The following PCDH9 variants were observed in gnomAD, a reference collection of about 807,000 sequenced individuals.
PCDH9 encodes the protein protocadherin 9, also known as protocadherin-9.
A neutral mutation model predicts 70.6 loss-of-function variants in PCDH9; 24 were observed. That is an observed-to-expected ratio of 0.34 (90% confidence interval 0.25 to 0.48). PCDH9 has a LOEUF of 0.48. PCDH9 is among the 20% of genes least tolerant of loss of function. The pLI, the probability that PCDH9 is intolerant of heterozygous loss-of-function variation, is 0.99. For synonymous variants in PCDH9, 562 were observed against 558.5 expected (o/e 1.01, Z -0.09); for missense variants, 1,281 against 1,503.6 (o/e 0.85, Z 2.45).
At chr13:66,437,359 C>T (rs1244312405) in intron 4 of PCDH9, among the ~76,000 whole-genome samples, 5 of 132,972 alleles carry the variant, frequency 3.8e-5, no homozygotes, top group Non-Finnish European at 1.6e-5. Flanking sequence ...GAGCCGAGAT[C>T]GCTCCACCGC....
intron 4 of PCDH9, among the ~76,000 whole-genome samples, chr13:66,451,811 T>G: frequency 6.6e-6 from 1 of 152,238 alleles, no homozygotes; most frequent in East Asian, 1.9e-4. Flanking sequence ...ATTTTTAAAT[T>G]GGAGATCCTG....
intron 4 of PCDH9, among the ~76,000 whole-genome samples, chr13:66,445,679 T>C (rs1219226849): frequency 6.9e-6 from 1 of 145,100 alleles, no homozygotes; most frequent in Admixed American, 7.1e-5. Context: ...TGTATACACA[T>C]ATATAATATA....
intron 3 of PCDH9, among the ~76,000 whole-genome samples, chr13:66,812,129 T>C (rs1226471554): frequency 1.3e-5 from 2 of 152,070 alleles, no homozygotes; most frequent in African/African-American, 4.8e-5. Context: ...GCCTCTAAAA[T>C]TGCTTATGGA....
intron 2 of PCDH9, among the ~76,000 whole-genome samples, chr13:66,990,602 T>C (rs151301953): frequency 0.017 from 2,614 of 149,584 alleles, 40 homozygotes; most frequent in Non-Finnish European, 0.029. Flanking sequence ...AAAACAAATA[T>C]ATACATATAA....
At chr13:66,489,135 T>G (rs1366552826) in intron 4 of PCDH9, among the ~76,000 whole-genome samples, 1 of 152,182 alleles carries the variant, frequency 6.6e-6, no homozygotes, top group African/African-American at 2.4e-5. Context: ...AAATATAGAT[T>G]GTCTTTAACT....
chr13:66,649,064 A>G (rs1361567408), intron 3 of PCDH9, among the ~76,000 whole-genome samples: 5 of 152,164 alleles, frequency 3.3e-5, no homozygotes, highest in Non-Finnish European at 5.9e-5. Flanking sequence ...TACAAGATCT[A>G]GAAAATGGCC....
In PCDH9 at chr13:66,505,939, C is replaced by T. The variant is rs368527135; in HGVS notation, c.3340+125271G>A. On this transcript the variant is annotated intron_variant, in intron 4 of 4. Transcript: ENST00000377865. ...TGGGACTACAGGTGCACTGCCACCA[C>T]GCCCAACTCAAAGTCTATTCTACTT... Among the ~76,000 whole-genome samples, 20 of 152,254 alleles carry T rather than the reference C, an allele frequency of 1.3e-4. 1 individual carries two copies. In the South Asian group the frequency reaches 2.7e-3, roughly 20 times the overall value.
At chr13:67,068,705 C>T (rs1566402771) in intron 2 of PCDH9, among the ~76,000 whole-genome samples, 1 of 152,130 alleles carries the variant, frequency 6.6e-6, no homozygotes. Context: ...TAGCACAAAA[C>T]TTAAAGCAGA....
chr13:66,789,367 T>G (rs929935526), intron 3 of PCDH9, among the ~76,000 whole-genome samples: 1 of 152,178 alleles, frequency 6.6e-6, no homozygotes, highest in African/African-American at 2.4e-5. Flanking sequence ...GAACTTCTAT[T>G]TCAATTAGTT....
intron 3 of PCDH9, among the ~76,000 whole-genome samples, chr13:66,659,761 T>G (rs2139013031): frequency 6.6e-6 from 1 of 152,034 alleles, no homozygotes; most frequent in African/African-American, 2.4e-5. Flanking sequence ...TCAACTTAAC[T>G]CCACCCATTA....
At chr13:67,021,348 T>C (rs1328530038) in intron 2 of PCDH9, among the ~76,000 whole-genome samples, 2 of 152,172 alleles carry the variant, frequency 1.3e-5, no homozygotes, top group Non-Finnish European at 2.9e-5. Flanking sequence ...AAATACTTAA[T>C]AAATGAACGT....
chr13:67,012,688 G>T (rs1233440594), intron 2 of PCDH9, among the ~76,000 whole-genome samples: 1 of 151,886 alleles, frequency 6.6e-6, no homozygotes, highest in African/African-American at 2.4e-5. Context: ...TCCAGCTTCT[G>T]CCCCCATAAT....
chr13:66,874,205 C>T (rs868795810), intron 3 of PCDH9, among the ~76,000 whole-genome samples: 34 of 152,086 alleles, frequency 2.2e-4, no homozygotes, highest in African/African-American at 8.2e-4. Flanking sequence ...TTATCATTTT[C>T]AGTAGCAATC....
intron 3 of PCDH9, among the ~76,000 whole-genome samples, chr13:66,738,450 G>C (rs901569966): frequency 6.6e-6 from 1 of 150,434 alleles, no homozygotes; most frequent in Non-Finnish European, 1.5e-5. Flanking sequence ...CTCCTCCAAA[G>C]GAACGCAGTT....
intron 2 of PCDH9, among the ~76,000 whole-genome samples, chr13:67,073,095 A>AGCATGTTG (rs2085801675): frequency 6.6e-6 from 1 of 152,150 alleles, no homozygotes; most frequent in Non-Finnish European, 1.5e-5. Flanking sequence ...TACACCCAAT[A>AGCATGTTG]ATCACACAAG....
At chr13:66,818,937 A>AAAAAAC (rs1555271997) in intron 3 of PCDH9, among the ~76,000 whole-genome samples, 3 of 146,582 alleles carry the variant, frequency 2.0e-5, no homozygotes, top group Non-Finnish European at 4.5e-5. Context: ...CCCGTCTCAA[A>AAAAAAC]AAAAAACAAA....
chr13:66,637,913 C>CAAAAAAAAAAAA (rs10716518), intron 3 of PCDH9, among the ~76,000 whole-genome samples: 1 of 137,396 alleles, frequency 7.3e-6, no homozygotes, highest in Non-Finnish European at 1.6e-5. Context: ...GACTCCTTCT[C>CAAAAAAAAAAAA]AAAAAAAAAA....
At chr13:66,843,266 C>T (rs916673129) in intron 3 of PCDH9, among the ~76,000 whole-genome samples, 6 of 152,084 alleles carry the variant, frequency 3.9e-5, no homozygotes, top group Non-Finnish European at 8.8e-5. Flanking sequence ...CCCAACATCA[C>T]CAACAAAAAT....
intron 3 of PCDH9, among the ~76,000 whole-genome samples, chr13:66,685,240 G>T (rs1341321045): frequency 6.6e-6 from 1 of 152,134 alleles, no homozygotes; most frequent in Non-Finnish European, 1.5e-5. Context: ...GCTGCTTTTT[G>T]CAGTCTTGAG....
Sources: allele counts gnomAD v4.1 joint callset (sites outside exome capture counted in the v4.1 genomes callset), GRCh38; gene constraint gnomAD v4.1.1; transcripts MANE v1.5; gene names NCBI Gene and HGNC (gene_info 2026-07-23, HGNC 2026-07-21).